The following SEM1 variants were observed in gnomAD, a reference collection of about 807,000 sequenced individuals.
The protein encoded by SEM1 is 26S proteasome complex subunit SEM1.
In SEM1, 3 loss-of-function variants were observed where a neutral mutation model predicts 12.7. The observed-to-expected ratio is 0.24, with a 90% CI of 0.11 to 0.61. SEM1 has a LOEUF of 0.61. SEM1 is among the 20% of genes least tolerant of loss of function. The pLI is 0.88. For synonymous variants in SEM1, 30 were observed against 27.8 expected (o/e 1.08, Z -0.25); for missense variants, 59 against 81.3 (o/e 0.73, Z 1.06).
intron 2 of SEM1, among the ~76,000 whole-genome samples, chr7:96,585,715 G>C: frequency 1.4e-5 from 2 of 148,004 alleles, no homozygotes; most frequent in Non-Finnish European, 3.0e-5. Context: ...ATTCGGGTGG[G>C]AGTGACCCGA....
chr7:96,690,685 G>T (rs1789903796), intron 2 of SEM1, among the ~76,000 whole-genome samples: 1 of 152,186 alleles, frequency 6.6e-6, no homozygotes, highest in South Asian at 2.1e-4. Flanking sequence ...CCACTAGTAG[G>T]TTTGAAAAGT....
chr7:96,593,468 T>G (rs987614244), intron 2 of SEM1, among the ~76,000 whole-genome samples: 1 of 152,206 alleles, frequency 6.6e-6, no homozygotes, highest in Non-Finnish European at 1.5e-5. Context: ...CTGGAACTAA[T>G]TTTTTGGTAT....
intron 2 of SEM1, among the ~76,000 whole-genome samples, chr7:96,541,306 C>G (rs771557140): frequency 5.3e-5 from 8 of 151,578 alleles, no homozygotes; most frequent in Non-Finnish European, 8.8e-5. Context: ...AGTGATGTCT[C>G]TTAGTGGTTT....
intron 2 of SEM1, among the ~76,000 whole-genome samples, chr7:96,512,799 T>G (rs1001594161): frequency 6.6e-6 from 1 of 151,998 alleles, no homozygotes; most frequent in Non-Finnish European, 1.5e-5. Context: ...GGCCACTGGT[T>G]AGGAGAAAGT....
chr7:96,524,738 A>G (rs1030458274), intron 2 of SEM1, among the ~76,000 whole-genome samples: 8 of 151,974 alleles, frequency 5.3e-5, no homozygotes, highest in African/African-American at 1.4e-4. Flanking sequence ...TTCATGCTAG[A>G]TTTTCAACAT....
intron 2 of SEM1, among the ~76,000 whole-genome samples, chr7:96,561,955 A>T (rs968820812): frequency 6.6e-6 from 1 of 152,214 alleles, no homozygotes; most frequent in Non-Finnish European, 1.5e-5. Context: ...AAGGGATAGA[A>T]CACTTACCTT....
At position 96,604,787 on chromosome 7, in the gene SEM1, T is replaced by A. The variant is rs144678628; in HGVS notation, c.170+90011A>T. Among the ~76,000 whole-genome samples, 156 of 152,056 alleles carry A rather than the reference T, an allele frequency of 1.0e-3. No homozygotes were observed. In the Middle Eastern group the frequency reaches 0.014, roughly 13 times the overall value. On this transcript the variant is annotated intron_variant and NMD_transcript_variant, in intron 2 of 3. Transcript: ENST00000466986. ...TACAAAAATTAGCCAGGCATGGTGG[T>A]GCATGCCTCTAATCCTAGCTACTCA...
chr7:96,523,830 C>T (rs1423252342), intron 2 of SEM1, among the ~76,000 whole-genome samples: 1 of 152,142 alleles, frequency 6.6e-6, no homozygotes, highest in Non-Finnish European at 1.5e-5. Context: ...GAAATTGTTC[C>T]ACCCCAATGA....
chr7:96,588,812 C>G (rs1345982630), intron 2 of SEM1, among the ~76,000 whole-genome samples: 1 of 151,980 alleles, frequency 6.6e-6, no homozygotes, highest in Non-Finnish European at 1.5e-5. Context: ...AGAATCATTC[C>G]AATTCATACA....
At chr7:96,611,132 C>T (rs764925301) in intron 2 of SEM1, among the ~76,000 whole-genome samples, 1 of 152,038 alleles carries the variant, frequency 6.6e-6, no homozygotes, top group African/African-American at 2.4e-5. Flanking sequence ...CTCATTTTTT[C>T]TAAAAATCAT....
chr7:96,616,880 T>C (rs551440590), intron 2 of SEM1, among the ~76,000 whole-genome samples: 4 of 152,246 alleles, frequency 2.6e-5, no homozygotes, highest in African/African-American at 9.6e-5. Flanking sequence ...TATTACTGGT[T>C]CTCTATTCTG....
intron 2 of SEM1, among the ~76,000 whole-genome samples, chr7:96,639,062 T>G (rs180765483): frequency 9.9e-5 from 15 of 152,100 alleles, no homozygotes; most frequent in African/African-American, 3.4e-4. Context: ...ACCAGAACAA[T>G]GTGTTTGTAA....
intron 2 of SEM1, among the ~76,000 whole-genome samples, chr7:96,578,103 T>C (rs1204796830): frequency 1.3e-5 from 2 of 152,040 alleles, no homozygotes; most frequent in African/African-American, 4.8e-5. Context: ...AACAGCTGAT[T>C]GGACAGAATA....
intron 2 of SEM1, chr7:96,664,024 G>A (rs961168631): frequency 6.6e-6 from 1 of 152,170 alleles, no homozygotes; most frequent in Non-Finnish European, 1.5e-5. Context: ...TCCATTGAAT[G>A]CTTGTGGGAG....
rs1421596853 is a variant in SEM1 at position 96,615,239 on chromosome 7, A to ATTTTTTTTTTT, written c.170+79558_170+79559insAAAAAAAAAAA. On this transcript the variant is annotated intron_variant and NMD_transcript_variant, in intron 2 of 3. Coordinates refer to the SEM1 transcript ENST00000466986. ...GGACTGTTGGGTTATTTTTTGAGTCATCTTTTTTTTTTTTTTTTTTTTTTT... is the reference window on the plus strand; with the variant it reads ...GGACTGTTGGGTTATTTTTTGAGTCATTTTTTTTTTTTCTTTTTTTTTTTTTTTTTTTTTTT... 1.2e-3 allele frequency among the ~76,000 whole-genome samples: 116 copies of ATTTTTTTTTTT among 98,134 alleles called. 12 individuals carry two copies. The highest frequency in any genetic ancestry group is 2.2e-3 in the African/African-American group (53 of 23,764). 64.4% of individuals were successfully genotyped at this position (98,134 alleles called of 152,430 possible). A position where few individuals can be genotyped will look rare whatever the true frequency, so the allele number is the denominator to read the frequency against.
At chr7:96,550,345 T>C (rs944711167) in intron 2 of SEM1, among the ~76,000 whole-genome samples, 3 of 152,200 alleles carry the variant, frequency 2.0e-5, no homozygotes, top group Admixed American at 1.3e-4. Flanking sequence ...CTAAGTACTA[T>C]ATTACTGAGC....
At chr7:96,493,000 T>A (rs1419523863) in intron 1 of SEM1, among the ~76,000 whole-genome samples, 1 of 152,164 alleles carries the variant, frequency 6.6e-6, no homozygotes, top group East Asian at 1.9e-4. Flanking sequence ...GGAGTCTCAC[T>A]CTGCCACCCA....
chr7:96,659,893 GAAGA>G (rs779939938), intron 2 of SEM1, among the ~76,000 whole-genome samples: 5 of 69,452 alleles, frequency 7.2e-5, no homozygotes, highest in East Asian at 4.0e-4. Context: ...GAATCAAATA[GAAGA>G]AAGAAAGTAA....
chr7:96,675,542 C>A (rs1422591569), intron 2 of SEM1, among the ~76,000 whole-genome samples: 1 of 152,100 alleles, frequency 6.6e-6, no homozygotes, highest in East Asian at 1.9e-4. Flanking sequence ...TTATCCAGCA[C>A]CCAGTTCTCT....
Sources: allele counts gnomAD v4.1 joint callset (sites outside exome capture counted in the v4.1 genomes callset), GRCh38; gene constraint gnomAD v4.1.1; transcripts MANE v1.5; gene names NCBI Gene and HGNC (gene_info 2026-07-23, HGNC 2026-07-21).